The following ZDHHC14 variants were observed in gnomAD, a reference collection of about 807,000 sequenced individuals.
ZDHHC14 encodes the protein palmitoyltransferase ZDHHC14.
ZDHHC14 carries 16 observed loss-of-function variants against 47.7 expected under a neutral mutation model. The observed-to-expected ratio is 0.34, with a 90% CI of 0.23 to 0.51. ZDHHC14 has a LOEUF of 0.51. Among genes scored for constraint, ZDHHC14 ranks in the 20% least tolerant of loss-of-function variants. ZDHHC14 has a pLI of 0.97. For missense variants in ZDHHC14, 515 were observed against 662.5 expected (o/e 0.78, Z 2.44); for synonymous variants, 293 against 278.9 (o/e 1.05, Z -0.50).
chr6:157,667,494 A>C (rs1316106168), intron 8 of ZDHHC14, among the ~76,000 whole-genome samples: 1 of 152,178 alleles, frequency 6.6e-6, no homozygotes, highest in Non-Finnish European at 1.5e-5. Flanking sequence ...AAAAAGGAGA[A>C]GTGGGAGAGA....
chr6:157,454,180 G>A (rs1778863416), intron 1 of ZDHHC14, among the ~76,000 whole-genome samples: 1 of 152,184 alleles, frequency 6.6e-6, no homozygotes, highest in African/African-American at 2.4e-5. Flanking sequence ...AGCTGCTCCA[G>A]CTCCAGCCAT....
intron 1 of ZDHHC14, among the ~76,000 whole-genome samples, chr6:157,465,105 CTTTT>C (rs772080368): frequency 0.012 from 1,199 of 101,998 alleles, 35 homozygotes; most frequent in East Asian, 0.1. Context: ...TCTCTTTCTC[CTTTT>C]TTTTTTTTTT....
chr6:157,545,782 A>G (rs529704679), intron 2 of ZDHHC14, among the ~76,000 whole-genome samples: 15 of 152,136 alleles, frequency 9.9e-5, no homozygotes, highest in Non-Finnish European at 1.9e-4. Flanking sequence ...GGCCTCAGAC[A>G]TGGGTTTGAA....
chr6:157,458,792 A>G (rs1043304738), intron 1 of ZDHHC14, among the ~76,000 whole-genome samples: 1 of 150,200 alleles, frequency 6.7e-6, no homozygotes, highest in African/African-American at 2.5e-5. Flanking sequence ...CGATATAACT[A>G]TGTATTTCCT....
intron 1 of ZDHHC14, among the ~76,000 whole-genome samples, chr6:157,498,015 A>G (rs181123565): frequency 6.6e-6 from 1 of 152,342 alleles, no homozygotes; most frequent in Non-Finnish European, 1.5e-5. Flanking sequence ...ATAATCCCTT[A>G]ACGTGGAAAA....
intron 2 of ZDHHC14, among the ~76,000 whole-genome samples, chr6:157,564,894 A>G (rs2114847009): frequency 1.3e-5 from 2 of 152,334 alleles, no homozygotes; most frequent in Middle Eastern, 6.8e-3. Context: ...GTGAAATTAT[A>G]GAGATCTGTG....
intron 4 of ZDHHC14, 93 bp downstream of exon 4, chr6:157,628,579 G>T: frequency 1.3e-6 from 2 of 1,507,564 alleles, no homozygotes; most frequent in East Asian, 2.3e-5. Flanking sequence ...TGGTCATTTC[G>T]GGCTTTCTCT....
intron 2 of ZDHHC14, among the ~76,000 whole-genome samples, chr6:157,544,917 A>G (rs1032414160): frequency 6.6e-6 from 1 of 152,240 alleles, no homozygotes; most frequent in East Asian, 1.9e-4. Context: ...GGACTTGTAT[A>G]TGAATATTCA....
intron 2 of ZDHHC14, among the ~76,000 whole-genome samples, chr6:157,578,484 G>C (rs1381027310): frequency 6.6e-6 from 1 of 152,164 alleles, no homozygotes; most frequent in Non-Finnish European, 1.5e-5. Context: ...GTTTGTCAAT[G>C]ATCAGATGGT....
At chr6:157,659,112 T>C (rs1162687069) in intron 8 of ZDHHC14, among the ~76,000 whole-genome samples, 1 of 152,234 alleles carries the variant, frequency 6.6e-6, no homozygotes, top group Non-Finnish European at 1.5e-5. Context: ...CTGTCAATAT[T>C]GTTTTATTAT....
intron 1 of ZDHHC14, among the ~76,000 whole-genome samples, chr6:157,534,258 G>A (rs868216193): frequency 6.6e-6 from 1 of 152,180 alleles, no homozygotes; most frequent in South Asian, 2.1e-4. Flanking sequence ...AGCTTTCTCG[G>A]AAGGGCCCTG....
At chr6:157,611,764 A>G (rs1413801080) in intron 3 of ZDHHC14, among the ~76,000 whole-genome samples, 2 of 152,212 alleles carry the variant, frequency 1.3e-5, no homozygotes, top group East Asian at 1.9e-4. Context: ...TTGCTTCATG[A>G]AAGTCTGTCT....
chr6:157,565,546 C>T (rs970621349), intron 2 of ZDHHC14, among the ~76,000 whole-genome samples: 1 of 152,118 alleles, frequency 6.6e-6, no homozygotes, highest in African/African-American at 2.4e-5. Context: ...AGGCCAGATG[C>T]AGTTGCTCGC....
At chr6:157,459,658 G>C (rs1047270604) in intron 1 of ZDHHC14, among the ~76,000 whole-genome samples, 1 of 152,186 alleles carries the variant, frequency 6.6e-6, no homozygotes, top group Non-Finnish European at 1.5e-5. Context: ...GAGCCTGGCA[G>C]GTGGTGGGGT....
chr6:157,628,814 C>T (rs1785544489), intron 4 of ZDHHC14, among the ~76,000 whole-genome samples: 1 of 152,154 alleles, frequency 6.6e-6, no homozygotes, highest in African/African-American at 2.4e-5. Context: ...ACTTTTTCTC[C>T]TGCTAAGGGG....
chr6:157,500,846 A>C (rs1221987840), intron 1 of ZDHHC14, among the ~76,000 whole-genome samples: 1 of 152,178 alleles, frequency 6.6e-6, no homozygotes, highest in East Asian at 1.9e-4. Flanking sequence ...TAGAACCAAG[A>C]TTTTGCTTGC....
At chr6:157,559,332 C>T (rs534725325) in intron 2 of ZDHHC14, among the ~76,000 whole-genome samples, 42 of 152,350 alleles carry the variant, frequency 2.8e-4, no homozygotes, top group African/African-American at 9.1e-4. Context: ...TGGCAACAGT[C>T]GGCCCCGCTT....
At chr6:157,383,586 CTG>C (rs989193227) in intron 1 of ZDHHC14, among the ~76,000 whole-genome samples, 3 of 152,226 alleles carry the variant, frequency 2.0e-5, no homozygotes, top group Admixed American at 6.5e-5. Flanking sequence ...TATCTGGACA[CTG>C]TGCGCTGATT....
At chr6:157,485,281 G>C (rs370661220) in intron 1 of ZDHHC14, among the ~76,000 whole-genome samples, 1 of 152,112 alleles carries the variant, frequency 6.6e-6, no homozygotes, top group African/African-American at 2.4e-5. Context: ...ACTGAGCTTC[G>C]TGCACATGGG....
Sources: allele counts gnomAD v4.1 joint callset (sites outside exome capture counted in the v4.1 genomes callset), GRCh38; gene constraint gnomAD v4.1.1; transcripts MANE v1.5; gene names NCBI Gene and HGNC (gene_info 2026-07-23, HGNC 2026-07-21).